ZHX3: variants seen among roughly 807,000 people sequenced by gnomAD.
The protein encoded by ZHX3 is zinc fingers and homeoboxes 3.
ZHX3 carries 20 observed loss-of-function variants against 64.5 expected under a neutral mutation model. The observed-to-expected ratio is 0.31, with a 90% CI of 0.22 to 0.45. The LOEUF (loss-of-function observed/expected upper bound fraction) is 0.45. ZHX3 is among the 20% of genes least tolerant of loss of function. The pLI is 1.00. For missense variants in ZHX3, 1,041 were observed against 1,195.8 expected, an observed-to-expected ratio of 0.87 and a Z score of 1.91; for synonymous variants, 423 against 461.6, an observed-to-expected ratio of 0.92 and a Z score of 1.07.
chr20:41,196,393 T>A (rs1461393526), intron 3 of ZHX3, among the ~76,000 whole-genome samples: 3 of 42,716 alleles, frequency 7.0e-5, no homozygotes, highest in African/African-American at 3.3e-4. Context: ...AAATATATAT[T>A]TATATATATT....
chr20:41,288,416 A>T (rs1181963068), intron 1 of ZHX3, among the ~76,000 whole-genome samples: 1 of 152,248 alleles, frequency 6.6e-6, no homozygotes, highest in East Asian at 1.9e-4. Context: ...GAAAAGTTAC[A>T]GGCACACAGT....
intron 2 of ZHX3, among the ~76,000 whole-genome samples, chr20:41,227,296 A>G (rs576552407): frequency 6.6e-6 from 1 of 152,366 alleles, no homozygotes; most frequent in South Asian, 2.1e-4. Flanking sequence ...ATCAAGGTGA[A>G]GCAAAAGGAA....
Position 41,228,049 on chromosome 20 carries a change from A to T in ZHX3, c.-150-22983T>A, listed in dbSNP as rs4812485. On this transcript the variant is annotated intron_variant, in intron 2 of 3. Coordinates refer to ENST00000683867, the MANE Select transcript of ZHX3 (RefSeq NM_001384317.1). This position sits in a 1 kb window ranked among gnomAD's most constrained non-coding sequence, Gnocchi z 4.6. ...CCAAACCACTTGCACCAAGGTCATC[A>T]GTCAAGTGGCTCTTTCCTACTCCTT... is the stretch of plus-strand genomic sequence containing the variant. 0.11 allele frequency among the ~76,000 whole-genome samples: 16,945 copies of T among 152,088 alleles called. 1,253 individuals carry two copies. The highest frequency in any genetic ancestry group is 0.24 in the South Asian group (1,151 of 4,802).
chr20:41,305,612 G>A (rs908687342), intron 1 of ZHX3, among the ~76,000 whole-genome samples: 3 of 151,778 alleles, frequency 2.0e-5, no homozygotes, highest in East Asian at 3.9e-4. Flanking sequence ...GTGAAACCCC[G>A]TCTCTACTAA....
intron 1 of ZHX3, among the ~76,000 whole-genome samples, chr20:41,281,755 A>G (rs1422982436): frequency 2.0e-5 from 3 of 152,242 alleles, no homozygotes; most frequent in Non-Finnish European, 4.4e-5. Context: ...ATCACCTTGC[A>G]AACAGTGATG....
intron 1 of ZHX3, among the ~76,000 whole-genome samples, chr20:41,271,288 G>A (rs897673986): frequency 3.3e-5 from 5 of 152,196 alleles, no homozygotes; most frequent in African/African-American, 7.2e-5. Context: ...AAAGTGCTGG[G>A]ATTACAGGCG....
At chr20:41,260,341 G>A (rs1294421965) in intron 2 of ZHX3, among the ~76,000 whole-genome samples, 2 of 152,174 alleles carry the variant, frequency 1.3e-5, no homozygotes, top group African/African-American at 4.8e-5. Context: ...AACTACAAGA[G>A]CAAAAATAGA....
At chr20:41,247,570 G>A (rs1426875853) in intron 2 of ZHX3, among the ~76,000 whole-genome samples, 2 of 152,088 alleles carry the variant, frequency 1.3e-5, no homozygotes, top group East Asian at 1.9e-4. Flanking sequence ...TTTAACAGGA[G>A]AATTAAGTAG....
At chr20:41,247,129 G>A (rs145069259) in intron 2 of ZHX3, among the ~76,000 whole-genome samples, 10 of 152,142 alleles carry the variant, frequency 6.6e-5, no homozygotes, top group African/African-American at 1.4e-4. Context: ...GCATTGTGGC[G>A]TGCGCCTCAT....
intron 1 of ZHX3, among the ~76,000 whole-genome samples, chr20:41,309,291 C>T (rs1273879251): frequency 3.3e-5 from 5 of 152,252 alleles, no homozygotes; most frequent in African/African-American, 1.2e-4. Context: ...TTCTTCAGAC[C>T]CAGGCAATAG....
chr20:41,209,353 T>C (rs1433175109), intron 2 of ZHX3, among the ~76,000 whole-genome samples: 1 of 152,268 alleles, frequency 6.6e-6, no homozygotes, highest in Non-Finnish European at 1.5e-5. Flanking sequence ...AAAGGTCATA[T>C]GGAACAAAAA....
intron 1 of ZHX3, among the ~76,000 whole-genome samples, chr20:41,299,683 G>A (rs956415896): frequency 7.9e-5 from 12 of 151,978 alleles, no homozygotes; most frequent in African/African-American, 2.4e-4. Context: ...CCAACACGGC[G>A]AAACCCTATC....
At chr20:41,292,249 G>C (rs2044286691) in intron 1 of ZHX3, among the ~76,000 whole-genome samples, 1 of 152,016 alleles carries the variant, frequency 6.6e-6, no homozygotes, top group South Asian at 2.1e-4. Context: ...TGACACATTA[G>C]GAAGACACTG....
At chr20:41,193,135 G>A (rs1277238772) in intron 3 of ZHX3, among the ~76,000 whole-genome samples, 3 of 152,156 alleles carry the variant, frequency 2.0e-5, no homozygotes, top group Non-Finnish European at 4.4e-5. Context: ...AATGGAAGAG[G>A]CGAGTACAAA....
At chr20:41,213,539 G>C (rs926609909) in intron 2 of ZHX3, among the ~76,000 whole-genome samples, 5 of 152,134 alleles carry the variant, frequency 3.3e-5, no homozygotes, top group Admixed American at 1.3e-4. Context: ...CCTACTACCT[G>C]GAAGTAGCAA....
chr20:41,282,359 A>ATTTTTT (rs1442916638), intron 1 of ZHX3, among the ~76,000 whole-genome samples: 16 of 60,694 alleles, frequency 2.6e-4, no homozygotes, highest in East Asian at 1.1e-3. Context: ...GACACAATTC[A>ATTTTTT]TCTTTTTTTT....
At chr20:41,196,233 C>A (rs1176238722) in intron 3 of ZHX3, among the ~76,000 whole-genome samples, 1 of 133,724 alleles carries the variant, frequency 7.5e-6, no homozygotes, top group African/African-American at 2.8e-5. Flanking sequence ...TCTGTCATTT[C>A]TGTTTCATAT....
At chr20:41,304,761 A>C (rs1457732587) in intron 1 of ZHX3, among the ~76,000 whole-genome samples, 4 of 152,236 alleles carry the variant, frequency 2.6e-5, no homozygotes. Flanking sequence ...ACAAGTACCC[A>C]GGAGACAGGT....
intron 3 of ZHX3, among the ~76,000 whole-genome samples, chr20:41,189,883 G>A (rs1157276426): frequency 6.6e-6 from 1 of 152,138 alleles, no homozygotes; most frequent in Non-Finnish European, 1.5e-5. Flanking sequence ...GGTGAAAGTG[G>A]GCATCCTTGT....
Sources: gnomAD v4.1 joint callset for allele counts (sites outside exome capture counted in the v4.1 genomes callset) on GRCh38, gnomAD v4.1.1 for gene constraint, Gnocchi (gnomAD v3.1) non-coding constraint, MANE v1.5 for transcripts, NCBI Gene and HGNC (gene_info 2026-07-23, HGNC 2026-07-21) for gene names.